The following TENM3 variants were observed in gnomAD, a reference collection of about 807,000 sequenced individuals.
TENM3 encodes teneurin transmembrane protein 3.
TENM3 carries 63 observed loss-of-function variants against 255.1 expected under a neutral mutation model. The observed-to-expected ratio is 0.25, with a 90% confidence interval of 0.20 to 0.30. TENM3 has a LOEUF of 0.30. TENM3 is among the 10% of genes least tolerant of loss of function. TENM3 has a pLI of 1.00. For missense variants in TENM3, 2,929 were observed against 3,461.1 expected, an observed-to-expected ratio of 0.85 and a Z score of 3.86; for synonymous variants, 1,306 against 1,322.3, an observed-to-expected ratio of 0.99 and a Z score of 0.27.
At chr4:181,708,097 G>A in the TENM3 span, among the ~76,000 whole-genome samples, 6 of 151,946 alleles carry the variant, frequency 3.9e-5, no homozygotes, top group Admixed American at 6.6e-5. Context: ...TATTAAAGTG[G>A]GTGAAAAACA....
the TENM3 span, among the ~76,000 whole-genome samples, chr4:182,121,100 G>C: frequency 1.3e-5 from 2 of 152,080 alleles, no homozygotes; most frequent in Non-Finnish European, 2.9e-5. Context: ...CCGGGTTCAA[G>C]TGATTACCCT....
At chr4:182,288,532 G>A (rs1760900980) in intron 1 of TENM3, among the ~76,000 whole-genome samples, 1 of 152,144 alleles carries the variant, frequency 6.6e-6, no homozygotes, top group Admixed American at 6.5e-5. Context: ...GCACGTGGTG[G>A]GTTTTCAATA....
the TENM3 span, among the ~76,000 whole-genome samples, chr4:182,039,282 G>A: frequency 6.6e-6 from 1 of 152,052 alleles, no homozygotes; most frequent in South Asian, 2.1e-4. Context: ...GGCACGGATT[G>A]CCACACACCC....
intron 1 of TENM3, among the ~76,000 whole-genome samples, chr4:182,277,434 A>G (rs1389582854): frequency 6.6e-6 from 1 of 152,168 alleles, no homozygotes; most frequent in Admixed American, 6.5e-5. Flanking sequence ...GCACTCTTTA[A>G]TATGAAACTG....
intron 3 of TENM3, among the ~76,000 whole-genome samples, chr4:182,534,639 TAA>T (rs1437124269): frequency 6.6e-6 from 1 of 152,198 alleles, no homozygotes. Flanking sequence ...GTTTTATATA[TAA>T]GAGCTTGTTT....
At chr4:182,209,055 G>T (rs931329624) in intron 1 of TENM3, among the ~76,000 whole-genome samples, 1 of 149,650 alleles carries the variant, frequency 6.7e-6, no homozygotes, top group Admixed American at 6.7e-5. Flanking sequence ...TGCAACCTCC[G>T]CCTCTGCGTT....
the TENM3 span, among the ~76,000 whole-genome samples, chr4:181,474,528 G>A: frequency 6.6e-6 from 1 of 152,110 alleles, no homozygotes; most frequent in Middle Eastern, 3.4e-3. Flanking sequence ...GGGGTCAGGA[G>A]TTTGGGACCA....
Position 182,743,406 on chromosome 4 carries a change from G to A in TENM3, c.3616G>A (p.Val1206Ile), listed in dbSNP as rs982980322. 6 of 1,613,720 alleles carry A rather than the reference G, an allele frequency of 3.7e-6. No individual in the cohort carries two copies. The highest frequency in any genetic ancestry group is 1.1e-5 in the South Asian group (1 of 91,076). ...ATTCCCTTCTGGAAATGTAACAAGT[G>A]TCTTAGAACTAAGGTACGTCTTTCC... ...RIFPSGNVTSVLELSSNPAHR... is the reference protein window; with the variant it reads ...RIFPSGNVTSILELSSNPAHR... Residue 1206 changes from valine to isoleucine, a missense_variant, in exon 19 of 28, where the codon GTC becomes ATC. Transcript: ENST00000511685.
intron 3 of TENM3, among the ~76,000 whole-genome samples, chr4:182,479,684 C>T (rs896001310): frequency 4.6e-5 from 7 of 151,956 alleles, no homozygotes; most frequent in African/African-American, 7.2e-5. Flanking sequence ...TACTCTGACT[C>T]TTTATAAATA....
At chr4:182,577,723 G>A (rs1745073391) in intron 3 of TENM3, among the ~76,000 whole-genome samples, 1 of 152,124 alleles carries the variant, frequency 6.6e-6, no homozygotes, top group African/African-American at 2.4e-5. Context: ...TTTTATTAGC[G>A]TGAATATCTA....
At chr4:181,627,320 G>A in the TENM3 span, among the ~76,000 whole-genome samples, 1 of 152,118 alleles carries the variant, frequency 6.6e-6, no homozygotes, top group African/African-American at 2.4e-5. Context: ...ACAAAGGGAA[G>A]TAAGTGTGCA....
chr4:181,499,005 C>T, the TENM3 span, among the ~76,000 whole-genome samples: 1 of 152,138 alleles, frequency 6.6e-6, no homozygotes, highest in Non-Finnish European at 1.5e-5. Context: ...CTCTTAATCA[C>T]ACACATTTTA....
At chr4:182,659,095 G>A (rs1463939604) in intron 6 of TENM3, among the ~76,000 whole-genome samples, 1 of 152,208 alleles carries the variant, frequency 6.6e-6, no homozygotes, top group African/African-American at 2.4e-5. Context: ...TCCTCCTCTT[G>A]ACTAGGGACC....
At chr4:181,583,162 A>C in the TENM3 span, among the ~76,000 whole-genome samples, 12,762 of 150,812 alleles carry the variant, frequency 0.085, 684 homozygotes, top group Middle Eastern at 0.13. Flanking sequence ...GCAGGTATCA[A>C]CTTTGTAATT....
At chr4:181,580,972 G>A in the TENM3 span, among the ~76,000 whole-genome samples, 1 of 152,174 alleles carries the variant, frequency 6.6e-6, no homozygotes, top group Admixed American at 6.5e-5. Flanking sequence ...GAGCCAAGTT[G>A]CCTTGTATTT....
At chr4:182,308,436 C>A (rs895823809) in intron 1 of TENM3, among the ~76,000 whole-genome samples, 2 of 152,200 alleles carry the variant, frequency 1.3e-5, no homozygotes, top group Admixed American at 6.5e-5. Flanking sequence ...TCCACCCCAG[C>A]CTTCTGAGTA....
chr4:181,577,750 A>G, the TENM3 span, among the ~76,000 whole-genome samples: 1 of 151,882 alleles, frequency 6.6e-6, no homozygotes, highest in African/African-American at 2.4e-5. Context: ...AAGGATTGTG[A>G]CCATATTTTT....
chr4:182,726,413 T>A (rs377067245), intron 13 of TENM3, among the ~76,000 whole-genome samples: 20 of 80,702 alleles, frequency 2.5e-4, no homozygotes, highest in African/African-American at 8.4e-4. Context: ...GCTCCAGCCC[T>A]TGCTCCGCTT....
the TENM3 span, among the ~76,000 whole-genome samples, chr4:181,960,326 T>C: frequency 6.6e-6 from 1 of 152,216 alleles, no homozygotes; most frequent in African/African-American, 2.4e-5. Context: ...AGGACTTTTT[T>C]TTCTAATTTT....
Sources: allele counts gnomAD v4.1 joint callset (sites outside exome capture counted in the v4.1 genomes callset), GRCh38; gene constraint gnomAD v4.1.1; transcripts MANE v1.5; gene names NCBI Gene and HGNC (gene_info 2026-07-23, HGNC 2026-07-21).